Variants in DNAJC2 observed in about 807,000 individuals in gnomAD.
DNAJC2 encodes the protein DnaJ heat shock protein family (Hsp40) member C2, also known as dnaJ homolog subfamily C member 2.
A neutral mutation model predicts 94.0 loss-of-function variants in DNAJC2; 32 were observed. The observed-to-expected ratio is 0.34, with a 90% CI of 0.26 to 0.46. DNAJC2 has a LOEUF of 0.46. DNAJC2 is among the 20% of genes least tolerant of loss of function. The pLI is 1.00. For missense variants in DNAJC2, 550 were observed against 719.5 expected (o/e 0.76, Z 2.69); for synonymous variants, 210 against 229.7 (o/e 0.91, Z 0.77).
rs752747126 is a variant in DNAJC2 at position 103,344,548 on chromosome 7, T to G, written c.64+11A>C. On this transcript the variant is annotated intron_variant, in intron 1 of 16. Transcript: ENST00000379263. ...GAGGTGAGAAGGAACCGAGGTTGGGTGGGCACTTACCAGAGGTCAGAGCGT... is the reference window on the plus strand; with the variant it reads ...GAGGTGAGAAGGAACCGAGGTTGGGGGGGCACTTACCAGAGGTCAGAGCGT... The G allele has an allele frequency of 1.2e-6, 2 of 1,613,552 alleles. No homozygotes were observed. Among genetic ancestry groups the G allele is most frequent in the Non-Finnish European group, 1.7e-6 (2 of 1,179,922 alleles).
At chr7:103,326,367 G>A (rs916506098) in intron 5 of DNAJC2, among the ~76,000 whole-genome samples, 176 bp downstream of exon 5, 2 of 152,148 alleles carry the variant, frequency 1.3e-5, no homozygotes, top group African/African-American at 4.8e-5. Flanking sequence ...CAATATAAAT[G>A]AGAACAGTAA....
At chr7:103,313,665 G>C (rs534974393) in intron 15 of DNAJC2, 2 of 985,370 alleles carry the variant, frequency 2.0e-6, no homozygotes, top group Non-Finnish European at 2.4e-6. Flanking sequence ...TGTTCTCTTC[G>C]TCACATCTGC....
chr7:103,342,730 T>C (rs938375853), intron 1 of DNAJC2, among the ~76,000 whole-genome samples: 2 of 151,240 alleles, frequency 1.3e-5, no homozygotes, highest in African/African-American at 4.9e-5. Context: ...TGCCTCAGCC[T>C]CCCGAGTAGC....
chr7:103,316,448 C>T (rs1818059780), intron 13 of DNAJC2: 1 of 221,186 alleles, frequency 4.5e-6, no homozygotes, highest in Non-Finnish European at 8.8e-6. Flanking sequence ...GACGCTGGAT[C>T]TCTAGGGCTT....
chr7:103,333,819 T>C (rs73175842), intron 3 of DNAJC2, among the ~76,000 whole-genome samples: 2 of 152,344 alleles, frequency 1.3e-5, no homozygotes, highest in Non-Finnish European at 2.9e-5. Context: ...TATTGGCAAT[T>C]TGTTCTTTTA....
At position 103,312,438 on chromosome 7, in the gene DNAJC2, G is replaced by C; in HGVS notation, c.*131C>G. ...GAAGGTTGTTTTGTATTAATGGTCA[G>C]TCTTTGTTCTCTGAGAAATTATGTT... On this transcript the variant is annotated 3_prime_UTR_variant, in exon 17 of 17. Transcript: ENST00000379263. 1.5e-5 allele frequency: 23 copies of C among 1,517,048 alleles called. No individual in the cohort carries two copies. In the South Asian group the frequency reaches 3.0e-4, roughly 20 times the overall value. 94.0% of individuals were successfully genotyped at this position (1,517,048 alleles called of 1,614,324 possible).
intron 3 of DNAJC2, among the ~76,000 whole-genome samples, 190 bp from the exon 4 acceptor site, chr7:103,327,944 G>C (rs967047333): frequency 3.3e-5 from 5 of 152,134 alleles, no homozygotes; most frequent in African/African-American, 9.7e-5. Context: ...TTTTGAGACA[G>C]AGTTTTGCTC....
At chr7:103,340,885 T>C (rs1819348934) in intron 2 of DNAJC2, among the ~76,000 whole-genome samples, 1 of 152,126 alleles carries the variant, frequency 6.6e-6, no homozygotes, top group Non-Finnish European at 1.5e-5. Context: ...TACCAAAACC[T>C]CAGTCTTCAC....
chr7:103,327,299 C>G (rs1409466442), intron 4 of DNAJC2: 1 of 1,160,760 alleles, frequency 8.6e-7, no homozygotes, highest in African/African-American at 1.6e-5. Flanking sequence ...AAAAAAAAAT[C>G]TTAGTATTCT....
chr7:103,328,074 C>A (rs1818801407), intron 3 of DNAJC2, among the ~76,000 whole-genome samples: 1 of 151,996 alleles, frequency 6.6e-6, no homozygotes, highest in African/African-American at 2.4e-5. Flanking sequence ...GTGCCCGCCA[C>A]CATGCCCAGC....
At chr7:103,341,018 T>G (rs1323953229) in intron 2 of DNAJC2, among the ~76,000 whole-genome samples, 1 of 152,182 alleles carries the variant, frequency 6.6e-6, no homozygotes, top group Non-Finnish European at 1.5e-5. Context: ...GACCTCTGAA[T>G]ACTTCTCTTT....
At chr7:103,319,533 A>T (rs1297122106) in intron 12 of DNAJC2, 76 bp downstream of exon 12, 1 of 1,340,650 alleles carries the variant, frequency 7.5e-7, no homozygotes, top group Non-Finnish European at 1.1e-6. Flanking sequence ...TTGGTGACTT[A>T]TATATTAGGT....
intron 2 of DNAJC2, among the ~76,000 whole-genome samples, chr7:103,339,022 G>A (rs540294754): frequency 1.3e-5 from 2 of 152,318 alleles, no homozygotes; most frequent in Admixed American, 1.3e-4. Context: ...GAGAAGTCCT[G>A]TAATTAGATT....
intron 4 of DNAJC2, 160 bp downstream of exon 4, chr7:103,327,496 G>C: frequency 1.5e-6 from 1 of 678,598 alleles, no homozygotes; most frequent in Non-Finnish European, 2.4e-6. Context: ...TGTGTCGTGA[G>C]GCTCTGGGGT....
At chr7:103,323,425 C>T (rs1818529633) in intron 7 of DNAJC2, among the ~76,000 whole-genome samples, 173 bp downstream of exon 7, 1 of 152,144 alleles carries the variant, frequency 6.6e-6, no homozygotes, top group South Asian at 2.1e-4. Context: ...AATTATTGAT[C>T]TGGGCCCACC....
In DNAJC2 at chr7:103,316,091, G is replaced by T. The variant is rs367848762; in HGVS notation, c.1428-3C>A. 10 of 1,538,560 alleles carry T rather than the reference G, an allele frequency of 6.5e-6. No homozygotes were observed. The highest frequency in any genetic ancestry group is 7.1e-6 in the Non-Finnish European group (8 of 1,132,282). On this transcript the variant is annotated splice_region_variant and splice_polypyrimidine_tract_variant and intron_variant, in intron 13 of 16. Transcript: ENST00000379263. ...TGTAATTAGCAATAACTTCCCATCTGATAGGATATATTATACAATAATATG... is the reference window on the plus strand; with the variant it reads ...TGTAATTAGCAATAACTTCCCATCTTATAGGATATATTATACAATAATATG...
Position 103,316,079 on chromosome 7 carries a change from A to G in DNAJC2, c.1437T>C (p.Val479=). 1.3e-6 allele frequency: 2 copies of G among 1,576,572 alleles called. No homozygotes were observed. Among genetic ancestry groups the G allele is most frequent in the South Asian group, 2.3e-5 (2 of 86,110 alleles). ...FPAGTNSRWE[V]IANYMNIHSS... The stretch of plus-strand genomic sequence containing the variant: ...AATGTATGTTCATGTAATTAGCAAT[A>G]ACTTCCCATCTGATAGGATATATTA... Residue 479 remains valine (V), a synonymous_variant, in exon 14 of 17, where the codon GTT becomes GTC. Transcript: ENST00000379263.
At chr7:103,332,825 TG>T (rs997690534) in intron 3 of DNAJC2, among the ~76,000 whole-genome samples, 5 of 152,262 alleles carry the variant, frequency 3.3e-5, no homozygotes, top group African/African-American at 1.2e-4. Flanking sequence ...GGTTCTGCCA[TG>T]TTGCCCAGGC....
intron 15 of DNAJC2, chr7:103,313,743 T>C (rs1466432867): frequency 1.0e-6 from 1 of 985,178 alleles, no homozygotes; most frequent in Admixed American, 6.1e-5. Flanking sequence ...CTAAACCTTG[T>C]ATATTTCAGA....
Sources: allele counts gnomAD v4.1 joint callset (sites outside exome capture counted in the v4.1 genomes callset), GRCh38; gene constraint gnomAD v4.1.1; transcripts MANE v1.5; gene names NCBI Gene and HGNC (gene_info 2026-07-23, HGNC 2026-07-21).